The following MAPK6 variants were observed in gnomAD, a reference collection of about 807,000 sequenced individuals.
MAPK6 encodes mitogen-activated protein kinase 6, also known as ERK-3.
In MAPK6, 19 loss-of-function variants were observed where a neutral mutation model predicts 59.3. The observed-to-expected ratio is 0.32, with a 90% CI of 0.22 to 0.47. The LOEUF (loss-of-function observed/expected upper bound fraction) is 0.47, where lower values mean the gene tolerates loss of function less well. MAPK6 is among the 20% of genes least tolerant of loss of function. The probability of loss-of-function intolerance (pLI) is 1.00; values close to 1 mark genes in which losing one functional copy is unlikely to be tolerated. For synonymous variants in MAPK6, 316 were observed against 290.3 expected (o/e 1.09, Z -0.90); for missense variants, 724 against 847.9 (o/e 0.85, Z 1.81).
intron 1 of MAPK6, among the ~76,000 whole-genome samples, chr15:51,981,644 G>C (rs1424727303): frequency 2.0e-5 from 3 of 152,164 alleles, no homozygotes; most frequent in African/African-American, 7.2e-5. Context: ...GGAATAGATA[G>C]ACTTTAGACT....
At position 52,067,233 on chromosome 15, in the gene MAPK6, A is replaced by G. The variant is rs1268689042; in HGVS notation, c.*2233A>G. 1 of 152,210 alleles carries G rather than the reference A, an allele frequency of 6.6e-6. No individual in the cohort carries two copies. Among genetic ancestry groups the G allele is most frequent in the African/African-American group, 2.4e-5 (1 of 41,452 alleles). 9.4% of individuals were successfully genotyped at this position (152,210 alleles called of 1,614,324 possible). A position where few individuals can be genotyped will look rare whatever the true frequency, so the allele number is the denominator to read the frequency against. On this transcript the variant is annotated 3_prime_UTR_variant, in exon 6 of 6. Transcript: ENST00000261845. ...CTACACAATGATCTGACTTGTTGGC[A>G]TTAAAAAGTCCAAACATAGTCATCA...
chr15:51,999,109 C>T (rs961207788), intron 2 of MAPK6, among the ~76,000 whole-genome samples: 7 of 151,956 alleles, frequency 4.6e-5, no homozygotes, highest in Non-Finnish European at 8.8e-5. Context: ...GATTCTCCTG[C>T]CTCAGCCTCC....
intron 3 of MAPK6, among the ~76,000 whole-genome samples, chr15:52,012,815 C>T (rs1490670728): frequency 4.0e-5 from 6 of 150,904 alleles, no homozygotes; most frequent in Non-Finnish European, 7.4e-5. Context: ...GGTGAAACCT[C>T]GTCTTTACTA....
Position 52,046,317 on chromosome 15 carries a change from A to G in MAPK6, c.-144A>G, listed in dbSNP as rs551807024. The G allele has an allele frequency of 2.9e-4, 194 of 659,610 alleles. No individual in the cohort carries two copies. The highest frequency in any genetic ancestry group is 7.4e-4 in the Admixed American group (26 of 35,126). 40.9% of individuals were successfully genotyped at this position (659,610 alleles called of 1,614,324 possible). A position where few individuals can be genotyped will look rare whatever the true frequency, so the allele number is the denominator to read the frequency against. On this transcript the variant is annotated 5_prime_UTR_variant, in exon 2 of 6. The change abolishes an upstream ATG in the 5' untranslated region. Transcript: ENST00000261845. ...TCGACAGGCCTGTTTGGCATATGCA[A>G]TGAACATCAAGAAACCATCTTGCTG...
At chr15:51,984,428 C>T (rs946236876) in intron 2 of MAPK6, among the ~76,000 whole-genome samples, 1 of 149,328 alleles carries the variant, frequency 6.7e-6, no homozygotes, top group African/African-American at 2.5e-5. Context: ...ACTACAGGCG[C>T]CTGCCAACAC....
intron 3 of MAPK6, among the ~76,000 whole-genome samples, chr15:52,013,208 C>G (rs966881230): frequency 6.6e-6 from 1 of 151,020 alleles, no homozygotes; most frequent in Non-Finnish European, 1.5e-5. Context: ...TCTTGCCTTC[C>G]TGAAATGACC....
At chr15:52,013,361 C>T (rs2030147289) in intron 3 of MAPK6, among the ~76,000 whole-genome samples, 1 of 152,006 alleles carries the variant, frequency 6.6e-6, no homozygotes, top group Non-Finnish European at 1.5e-5. Flanking sequence ...AGACATTTTC[C>T]AGGGTTTACC....
At chr15:52,027,076 G>A (rs373940432) in intron 1 of MAPK6, among the ~76,000 whole-genome samples, 9 of 150,166 alleles carry the variant, frequency 6.0e-5, no homozygotes, top group South Asian at 2.1e-4. Context: ...TGTCACAGCC[G>A]GGCGCGGTGG....
At position 52,064,775 on chromosome 15, in the gene MAPK6, A is replaced by G. The variant is rs778276565; in HGVS notation, c.1941A>G (p.Val647=). Residue 647 remains valine (V), a synonymous_variant, in exon 6 of 6, where the codon GTA becomes GTG. Coordinates refer to ENST00000261845, the MANE Select transcript of MAPK6 (RefSeq NM_002748.4). ...EDTEMLETEP[V]EDGKLGERGH... ...CTGAAATGCTAGAAACTGAGCCAGTAGAGGATGGGAAGCTTGGGGAGAGAG... is the reference window on the plus strand; with the variant it reads ...CTGAAATGCTAGAAACTGAGCCAGTGGAGGATGGGAAGCTTGGGGAGAGAG... The G allele has an allele frequency of 2.0e-5, 33 of 1,611,842 alleles. No homozygotes were observed. The highest frequency in any genetic ancestry group is 2.5e-5 in the Non-Finnish European group (30 of 1,179,802).
chr15:52,059,661 C>G (rs368544805), intron 4 of MAPK6, among the ~76,000 whole-genome samples: 2 of 152,272 alleles, frequency 1.3e-5, no homozygotes, highest in South Asian at 2.1e-4. Context: ...TTTTCGTACC[C>G]TCATTAGGGT....
Position 52,064,033 on chromosome 15 carries a change from A to C in MAPK6, c.1199A>C (p.Lys400Thr). 6.2e-7 allele frequency: 1 copy of C among 1,613,826 alleles called. No individual in the cohort carries two copies. Among genetic ancestry groups the C allele is most frequent in the African/African-American group, 1.3e-5 (1 of 75,036 alleles). The change falls in exon 6 of 6, where the codon AAA becomes ACA. Residue 400 changes from lysine to threonine, a missense_variant. Physicochemically the swap from Lys to Thr is moderately conservative, Grantham distance 78. Coordinates refer to ENST00000261845, the MANE Select transcript of MAPK6 (RefSeq NM_002748.4). ...GAAGAAGTACAAGTTGATCCCCGAA[A>C]ATATTTGGATGGAGATCGGGAAAAG... ...DEEEVQVDPR[K>T]YLDGDREKYL...
intron 2 of MAPK6, among the ~76,000 whole-genome samples, chr15:52,049,413 T>C (rs2141093656): frequency 6.7e-6 from 1 of 149,520 alleles, no homozygotes; most frequent in Admixed American, 6.7e-5. Context: ...CTGCAACCTC[T>C]GTCTCCTGCG....
chr15:51,984,872 A>G (rs1466010622), intron 2 of MAPK6, among the ~76,000 whole-genome samples: 2 of 152,192 alleles, frequency 1.3e-5, no homozygotes, highest in African/African-American at 4.8e-5. Flanking sequence ...GGGAAGTGAG[A>G]TTATGGGAAG....
At chr15:52,035,109 C>A (rs2031192210) in intron 1 of MAPK6, among the ~76,000 whole-genome samples, 1 of 152,210 alleles carries the variant, frequency 6.6e-6, no homozygotes, top group Non-Finnish European at 1.5e-5. Context: ...TTTCTAGTCT[C>A]ATCCAAGATT....
At chr15:52,023,902 G>A (rs4775994) in intron 1 of MAPK6, among the ~76,000 whole-genome samples, 20,500 of 152,242 alleles carry the variant, frequency 0.13, 1,780 homozygotes, top group Non-Finnish European at 0.18. Flanking sequence ...ATGAGCCACC[G>A]CGCCCAGCCA....
At chr15:52,029,703 C>T (rs1433874410) in intron 1 of MAPK6, among the ~76,000 whole-genome samples, 2 of 152,168 alleles carry the variant, frequency 1.3e-5, no homozygotes, top group African/African-American at 4.8e-5. Flanking sequence ...CCCTTATCCC[C>T]ATAGCTAATC....
intron 2 of MAPK6, among the ~76,000 whole-genome samples, chr15:51,998,687 A>ATTTTTTTTGTTTTTTTTTTTTTTTTTTTT (rs2057233200): frequency 2.6e-5 from 1 of 38,472 alleles, no homozygotes; most frequent in East Asian, 9.5e-4. Context: ...TGCCTGGTTA[A>ATTTTTTTTGTTTTTTTTTTTTTTTTTTTT]TTTTTTTTTT....
At chr15:52,051,962 A>T (rs1407175462) in intron 3 of MAPK6, among the ~76,000 whole-genome samples, 5 of 152,066 alleles carry the variant, frequency 3.3e-5, no homozygotes, top group Non-Finnish European at 5.9e-5. Flanking sequence ...AAATGGATTG[A>T]TTTTTGCTTA....
intron 1 of MAPK6, among the ~76,000 whole-genome samples, chr15:51,980,559 T>G (rs1036629599): frequency 2.7e-5 from 4 of 149,032 alleles, no homozygotes; most frequent in African/African-American, 4.9e-5. Flanking sequence ...AAGTATTTTT[T>G]TGTGTGTTTG....
Sources: allele counts gnomAD v4.1 joint callset (sites outside exome capture counted in the v4.1 genomes callset), GRCh38; gene constraint gnomAD v4.1.1; transcripts MANE v1.5; gene names NCBI Gene and HGNC (gene_info 2026-07-23, HGNC 2026-07-21).